The following NELL2 variants were observed in gnomAD, a reference collection of about 807,000 sequenced individuals.
NELL2 encodes the protein protein kinase C-binding protein NELL2.
NELL2 carries 41 observed loss-of-function variants against 109.6 expected under a neutral mutation model. The observed-to-expected ratio is 0.37, with a 90% CI of 0.29 to 0.49. NELL2 has a LOEUF of 0.49. NELL2 is among the 20% of genes least tolerant of loss of function. NELL2 has a pLI of 0.98. For missense variants in NELL2, 900 were observed against 1,008.3 expected, an observed-to-expected ratio of 0.89 and a Z score of 1.45; for synonymous variants, 355 against 344.7, an observed-to-expected ratio of 1.03 and a Z score of -0.33.
chr12:44,602,561 T>C (rs1488456185), intron 15 of NELL2, among the ~76,000 whole-genome samples: 1 of 152,164 alleles, frequency 6.6e-6, no homozygotes, highest in Admixed American at 6.5e-5. Context: ...ACAGTTTTTC[T>C]TTTTAATTTC....
At chr12:44,561,974 A>G (rs1226890397) in intron 15 of NELL2, among the ~76,000 whole-genome samples, 1 of 152,212 alleles carries the variant, frequency 6.6e-6, no homozygotes, top group East Asian at 1.9e-4. Context: ...AAACAGATAT[A>G]TAGACCAATG....
intron 3 of NELL2, among the ~76,000 whole-genome samples, chr12:44,802,064 A>G (rs1942850016): frequency 6.6e-6 from 1 of 152,072 alleles, no homozygotes; most frequent in Non-Finnish European, 1.5e-5. Context: ...GCATGTTTGT[A>G]CCGTTTTCAT....
chr12:44,553,692 C>T (rs1455163687), intron 15 of NELL2, among the ~76,000 whole-genome samples: 7 of 151,950 alleles, frequency 4.6e-5, no homozygotes, highest in Non-Finnish European at 1.0e-4. Context: ...ATCACATGTA[C>T]CCCCAAATAT....
intron 9 of NELL2, among the ~76,000 whole-genome samples, chr12:44,756,799 G>A (rs567651200): frequency 6.6e-6 from 1 of 152,176 alleles, no homozygotes; most frequent in East Asian, 1.9e-4. Flanking sequence ...AAATGTAGGA[G>A]TACCTCAAGG....
intron 13 of NELL2, among the ~76,000 whole-genome samples, chr12:44,648,710 C>CATATATATATATATAT (rs1187414211): frequency 8.5e-6 from 1 of 117,988 alleles, no homozygotes; most frequent in African/African-American, 3.8e-5. Flanking sequence ...ACAATGCCAT[C>CATATATATATATATAT]ATATATATAT....
chr12:44,728,604 G>A (rs1455854061), intron 9 of NELL2, among the ~76,000 whole-genome samples: 1 of 152,052 alleles, frequency 6.6e-6, no homozygotes, highest in Non-Finnish European at 1.5e-5. Flanking sequence ...ATCTGGAAAG[G>A]AAATGTACAT....
chr12:44,616,826 A>G (rs992745324), intron 13 of NELL2, among the ~76,000 whole-genome samples: 10 of 152,162 alleles, frequency 6.6e-5, no homozygotes, highest in East Asian at 1.9e-4. Flanking sequence ...GATCTGCAAT[A>G]CTGAGACTTC....
At chr12:44,902,574 G>A (rs191572571) in intron 1 of NELL2, among the ~76,000 whole-genome samples, 203 of 152,078 alleles carry the variant, frequency 1.3e-3, no homozygotes, top group African/African-American at 4.7e-3. Flanking sequence ...TATGGAACCA[G>A]AAAAGAGCCC....
chr12:44,568,924 G>C (rs1247164602), intron 15 of NELL2, among the ~76,000 whole-genome samples: 2 of 151,996 alleles, frequency 1.3e-5, no homozygotes, highest in Non-Finnish European at 2.9e-5. Flanking sequence ...GTGCAGGTTT[G>C]TTACACAGGT....
intron 9 of NELL2, among the ~76,000 whole-genome samples, chr12:44,737,331 T>C (rs1939702136): frequency 1.5e-5 from 2 of 130,340 alleles, no homozygotes; most frequent in Non-Finnish European, 3.6e-5. Flanking sequence ...AGTCTCAACA[T>C]GCACACATTT....
chr12:44,716,058 C>A (rs1440714793), intron 9 of NELL2, among the ~76,000 whole-genome samples: 1 of 152,012 alleles, frequency 6.6e-6, no homozygotes, highest in Non-Finnish European at 1.5e-5. Flanking sequence ...CCTAAGCCTC[C>A]CAAAGTGCTG....
intron 3 of NELL2, among the ~76,000 whole-genome samples, chr12:44,803,727 A>G (rs1009101592): frequency 6.6e-6 from 1 of 152,016 alleles, no homozygotes; most frequent in African/African-American, 2.4e-5. Context: ...AGCAAGAAAA[A>G]TAGCAAGAGT....
chr12:44,684,988 T>A (rs935556513), intron 12 of NELL2, among the ~76,000 whole-genome samples: 2 of 152,152 alleles, frequency 1.3e-5, no homozygotes, highest in African/African-American at 4.8e-5. Flanking sequence ...ACTTTCTGTC[T>A]CGTTGATCTG....
intron 14 of NELL2, among the ~76,000 whole-genome samples, chr12:44,609,514 T>G (rs147760770): frequency 1.3e-5 from 2 of 152,212 alleles, no homozygotes; most frequent in East Asian, 3.9e-4. Context: ...TGACTGTGGG[T>G]AACTAAAACC....
intron 15 of NELL2, among the ~76,000 whole-genome samples, chr12:44,583,808 T>A (rs1363982892): frequency 2.0e-5 from 3 of 152,234 alleles, no homozygotes; most frequent in African/African-American, 7.2e-5. Flanking sequence ...GGTCTGGCTC[T>A]ATTGCCCAGG....
chr12:44,780,751 G>A (rs934383128), intron 3 of NELL2, among the ~76,000 whole-genome samples: 11 of 151,884 alleles, frequency 7.2e-5, no homozygotes, highest in African/African-American at 1.7e-4. Context: ...AAACCACCCC[G>A]CCACAGTGCC....
chr12:44,841,744 G>C (rs73279147), intron 2 of NELL2, among the ~76,000 whole-genome samples: 2,424 of 152,180 alleles, frequency 0.016, 63 homozygotes, highest in African/African-American at 0.054. Flanking sequence ...GCTGAACAGA[G>C]ATTCCAGGGC....
At chr12:44,830,369 G>T (rs1592616841) in intron 2 of NELL2, among the ~76,000 whole-genome samples, 1 of 152,088 alleles carries the variant, frequency 6.6e-6, no homozygotes, top group South Asian at 2.1e-4. Flanking sequence ...AGTTTGTTCT[G>T]TTTTTATCCT....
chr12:44,628,270 GT>G (rs564697731), intron 13 of NELL2, among the ~76,000 whole-genome samples: 177 of 152,256 alleles, frequency 1.2e-3, no homozygotes, highest in African/African-American at 3.7e-3. Context: ...AGAAGTGAAA[GT>G]AATGATAAAT....
Sources: gnomAD v4.1 joint callset for allele counts (sites outside exome capture counted in the v4.1 genomes callset) on GRCh38, gnomAD v4.1.1 for gene constraint, MANE v1.5 for transcripts, NCBI Gene and HGNC (gene_info 2026-07-23, HGNC 2026-07-21) for gene names.